The following SEC24A variants were observed in gnomAD, a reference collection of about 807,000 sequenced individuals.
SEC24A encodes the protein protein transport protein Sec24A.
Under a neutral mutation model 129.4 loss-of-function variants are expected in SEC24A, and 93 were observed. The observed-to-expected ratio is 0.72, with a 90% CI of 0.61 to 0.85. The LOEUF (loss-of-function observed/expected upper bound fraction) is 0.85, where lower values mean the gene tolerates loss of function less well. Ranked by LOEUF, SEC24A falls within the 40% of genes least tolerant of loss-of-function variation. The pLI, the probability that SEC24A is intolerant of heterozygous loss-of-function variation, is 0.00. For missense variants in SEC24A, 1,264 were observed against 1,307.4 expected (o/e 0.97, Z 0.51); for synonymous variants, 460 against 467.3 (o/e 0.98, Z 0.20).
intron 20 of SEC24A, among the ~76,000 whole-genome samples, chr5:134,719,101 T>C (rs894792259): frequency 2.0e-5 from 3 of 152,030 alleles, no homozygotes; most frequent in Non-Finnish European, 4.4e-5. Flanking sequence ...AAATAATTTG[T>C]CCGGGCATGG....
At chr5:134,719,875 C>G (rs981477976) in intron 20 of SEC24A, among the ~76,000 whole-genome samples, 2 of 151,954 alleles carry the variant, frequency 1.3e-5, no homozygotes, top group Non-Finnish European at 2.9e-5. Context: ...ATCCCAGCTA[C>G]TTGGGAGGCT....
At chr5:134,722,576 G>A (rs921931022) in intron 21 of SEC24A, among the ~76,000 whole-genome samples, 9 of 151,884 alleles carry the variant, frequency 5.9e-5, no homozygotes, top group Non-Finnish European at 1.0e-4. Context: ...TGGGCAACAA[G>A]AGCGAAACTC....
At chr5:134,685,820 C>T (rs1751431863) in intron 9 of SEC24A, among the ~76,000 whole-genome samples, 1 of 152,028 alleles carries the variant, frequency 6.6e-6, no homozygotes, top group South Asian at 2.1e-4. Context: ...AACCCTGTCT[C>T]TACTAAAAAA....
chr5:134,685,051 C>T (rs1048091258), intron 9 of SEC24A, among the ~76,000 whole-genome samples: 10 of 152,018 alleles, frequency 6.6e-5, no homozygotes, highest in Admixed American at 3.3e-4. Context: ...ACCCATGGAT[C>T]GAAAATGTTC....
rs1751741521 is a variant in SEC24A at position 134,693,946 on chromosome 5, T to A, written c.1986+13T>A. 3.1e-6 allele frequency: 5 copies of A among 1,606,402 alleles called. No homozygotes were observed. The highest frequency in any genetic ancestry group is 4.3e-6 in the Non-Finnish European group (5 of 1,173,130). On this transcript the variant is annotated intron_variant, in intron 13 of 22. Coordinates refer to ENST00000398844, the MANE Select transcript of SEC24A (RefSeq NM_021982.3). ...GTCATCTGCTAAGGTTAGAGAGTCA[T>A]GAAATGTCTGATAAGGTTTATGCTG...
chr5:134,689,490 C>T (rs865797971), intron 11 of SEC24A, among the ~76,000 whole-genome samples: 15 of 152,086 alleles, frequency 9.9e-5, no homozygotes, highest in Admixed American at 2.6e-4. Context: ...GGGCCGAGTG[C>T]GGTGGCTCAC....
intron 14 of SEC24A, among the ~76,000 whole-genome samples, chr5:134,697,493 A>G (rs1751863596): frequency 6.6e-6 from 1 of 152,088 alleles, no homozygotes; most frequent in Non-Finnish European, 1.5e-5. Flanking sequence ...AATCCTAACA[A>G]TTTGTGAGGC....
chr5:134,696,489 A>G (rs921900879), intron 13 of SEC24A, among the ~76,000 whole-genome samples: 2 of 151,856 alleles, frequency 1.3e-5, no homozygotes, highest in African/African-American at 4.8e-5. Flanking sequence ...CCTACAGAAA[A>G]TTTTTAAAAA....
Position 134,725,314 on chromosome 5 carries a change from G to A in SEC24A, c.*220G>A, listed in dbSNP as rs1043004795. The A allele has an allele frequency of 2.4e-5, 9 of 368,574 alleles. No individual in the cohort carries two copies. Among genetic ancestry groups the A allele is most frequent in the East Asian group, 1.9e-4 (4 of 21,540 alleles). The allele number at this position is 368,574 out of a possible 1,614,324, so 22.8% of individuals were successfully genotyped here. A position where few individuals can be genotyped will look rare whatever the true frequency, so the allele number is the denominator to read the frequency against. ...ATTTTTCAAATCAGAATATAGCTAC[G>A]TATGATTGGATACTTTTTTCTTGCC... is the stretch of plus-strand genomic sequence containing the variant. On this transcript the variant is annotated 3_prime_UTR_variant, in exon 23 of 23. Transcript: ENST00000398844.
intron 18 of SEC24A, among the ~76,000 whole-genome samples, chr5:134,709,836 G>GTTATTTTATT (rs58842185): frequency 6.6e-6 from 1 of 151,760 alleles, no homozygotes; most frequent in Non-Finnish European, 1.5e-5. Context: ...GACCATACAT[G>GTTATTTTATT]TTATTTTATT....
intron 2 of SEC24A, among the ~76,000 whole-genome samples, chr5:134,662,968 G>A (rs919980781): frequency 2.6e-5 from 4 of 151,966 alleles, no homozygotes; most frequent in Admixed American, 6.6e-5. Context: ...ACTGCGCTCC[G>A]GCCTAGGTGA....
chr5:134,675,077 C>T lies in SEC24A; in HGVS notation c.1011C>T (p.Ser337=). The stretch of plus-strand genomic sequence containing the variant: ...TAGGTGCTAATCATTTAACCACAAG[C>T]ATGAGTGGATTAAGTCTACAACCAG... ...TPLGANHLTT[S]MSGLSLQPEG... is the part of the protein sequence containing the mutation. Residue 337 remains serine (S), a synonymous_variant, in exon 6 of 23, where the codon AGC becomes AGT. Transcript: ENST00000398844. 1 of 1,609,906 alleles carries T rather than the reference C, an allele frequency of 6.2e-7. No homozygotes were observed. The highest frequency in any genetic ancestry group is 8.5e-7 in the Non-Finnish European group (1 of 1,177,212).
intron 9 of SEC24A, among the ~76,000 whole-genome samples, chr5:134,682,875 A>G (rs988745964): frequency 6.6e-6 from 1 of 151,420 alleles, no homozygotes; most frequent in Admixed American, 6.6e-5. Context: ...CCAAAATTTT[A>G]TGTTTTTAAA....
chr5:134,699,581 G>A (rs1212361300), intron 15 of SEC24A, among the ~76,000 whole-genome samples: 2 of 152,050 alleles, frequency 1.3e-5, no homozygotes, highest in Non-Finnish European at 2.9e-5. Flanking sequence ...TTACAGGCAT[G>A]AGCTACCGCA....
Position 134,693,849 on chromosome 5 carries a change from G to A in SEC24A, c.1902G>A (p.Met634Ile), listed in dbSNP as rs1751738891. The A allele has an allele frequency of 1.9e-6, 3 of 1,614,148 alleles. No individual in the cohort carries two copies. Among genetic ancestry groups the A allele is most frequent in the Non-Finnish European group, 1.7e-6 (2 of 1,180,038 alleles). ...FKLMSPTGGR[M>I]SVFQTQLPTL... is the part of the protein sequence containing the mutation. ...TGATGTCTCCAACTGGTGGTCGAAT[G>A]TCTGTCTTTCAAACACAACTCCCAA... Residue 634 changes from methionine to isoleucine, a missense_variant, in exon 13 of 23, where the codon ATG (methionine) becomes ATA (isoleucine). Coordinates refer to ENST00000398844, the MANE Select transcript of SEC24A (RefSeq NM_021982.3).
intron 8 of SEC24A, 105 bp from the exon 9 acceptor site, chr5:134,682,268 A>G: frequency 4.9e-6 from 3 of 607,108 alleles, no homozygotes; most frequent in Non-Finnish European, 8.6e-6. Context: ...AATAATTGAC[A>G]TTTAATGAAT....
Position 134,649,090 on chromosome 5 carries a change from G to C in SEC24A, c.14G>C (p.Gly5Ala), listed in dbSNP as rs1324679181. ...AACCCAGTCATCATGTCCCAGCCGG[G>C]AATACCGGCCTCCGGCGGCGCCCCA... is the stretch of plus-strand genomic sequence containing the variant. MSQP[G>A]IPASGGAPAS... The change falls in exon 1 of 23, where the codon GGA becomes GCA. Residue 5 changes from glycine (G) to alanine (A), a missense_variant. Transcript: ENST00000398844. 3 of 1,609,278 alleles carry C rather than the reference G, an allele frequency of 1.9e-6. No individual in the cohort carries two copies. The highest frequency in any genetic ancestry group is 1.7e-5 in the Admixed American group (1 of 59,390).
rs1389780566 is a variant in SEC24A at position 134,692,634 on chromosome 5, G to A, written c.1756G>A (p.Val586Ile). The A allele has an allele frequency of 1.4e-6, 2 of 1,418,354 alleles. No homozygotes were observed. The highest frequency in any genetic ancestry group is 2.0e-6 in the Non-Finnish European group (2 of 1,006,376). The allele number at this position is 1,418,354 out of a possible 1,614,324, so 87.9% of individuals were successfully genotyped here. Reference sequence around the variant, plus strand: ...TATACCTATGCCAGAGAACTTATTAGTAAACTTAAATGAAAGTAAAGAGGT... The same window carrying A: ...TATACCTATGCCAGAGAACTTATTAATAAACTTAAATGAAAGTAAAGAGGT... ...VFIPMPENLL[V>I]NLNESKELVQ... Residue 586 changes from valine (V) to isoleucine (I), a missense_variant, in exon 12 of 23, where the codon GTA (valine) becomes ATA (isoleucine). Coordinates refer to ENST00000398844, the MANE Select transcript of SEC24A (RefSeq NM_021982.3).
At chr5:134,666,571 A>G (rs1014716240) in intron 2 of SEC24A, among the ~76,000 whole-genome samples, 1 of 150,156 alleles carries the variant, frequency 6.7e-6, no homozygotes, top group Non-Finnish European at 1.5e-5. Flanking sequence ...GAAGGCAGGC[A>G]GGAGAAAAGA....
Sources: gnomAD v4.1 joint callset for allele counts (sites outside exome capture counted in the v4.1 genomes callset) on GRCh38, gnomAD v4.1.1 for gene constraint, MANE v1.5 for transcripts, NCBI Gene and HGNC (gene_info 2026-07-23, HGNC 2026-07-21) for gene names.